SMYD1: variants seen among roughly 807,000 people sequenced by gnomAD.
The protein encoded by SMYD1 is histone-lysine N-methyltransferase SMYD1.
SMYD1 carries 49 observed loss-of-function variants against 54.0 expected under a neutral mutation model. That is an observed-to-expected ratio of 0.91 (90% CI 0.72 to 1.15). The LOEUF is 1.15. Ranked by LOEUF, SMYD1 falls within the 50% of genes most tolerant of loss-of-function variation. The pLI, the probability that SMYD1 is intolerant of heterozygous loss-of-function variation, is 0.00. For missense variants in SMYD1, 653 were observed against 639.6 expected (o/e 1.02, Z -0.23); for synonymous variants, 269 against 234.2 (o/e 1.15, Z -1.36).
chr2:88,078,017 G>A (rs1674108420), intron 1 of SMYD1, among the ~76,000 whole-genome samples: 1 of 152,196 alleles, frequency 6.6e-6, no homozygotes, highest in South Asian at 2.1e-4. Context: ...GAGGCACCAT[G>A]CCCGACCAGG....
At chr2:88,091,238 C>A in intron 4 of SMYD1, 96 bp downstream of exon 4, 2 of 1,336,934 alleles carry the variant, frequency 1.5e-6, no homozygotes, top group Non-Finnish European at 1.0e-6. Context: ...CCTGCTAAAC[C>A]TGAACTAGCA....
chr2:88,077,151 T>C (rs937773479), intron 1 of SMYD1, among the ~76,000 whole-genome samples: 19 of 152,218 alleles, frequency 1.2e-4, no homozygotes, highest in African/African-American at 4.6e-4. Context: ...TTGGAGGGCT[T>C]GCCCACCATG....
At chr2:88,095,034 AATGGTATGAAGTACCATTCATG>A (rs535636078) in intron 5 of SMYD1, among the ~76,000 whole-genome samples, 54 of 152,176 alleles carry the variant, frequency 3.5e-4, no homozygotes, top group Admixed American at 9.8e-4. Flanking sequence ...GACAATTGTG[AATGGTATGAAGTACCATTCATG>A]ATGGTATGAA....
chr2:88,091,938 A>G (rs1044418134), intron 4 of SMYD1, among the ~76,000 whole-genome samples: 6 of 152,190 alleles, frequency 3.9e-5, no homozygotes, highest in Admixed American at 6.5e-5. Flanking sequence ...TGAGGTGCCC[A>G]GGGACTAGCA....
At chr2:88,069,898 T>G (rs1438446895) in intron 1 of SMYD1, among the ~76,000 whole-genome samples, 2 of 152,246 alleles carry the variant, frequency 1.3e-5, no homozygotes, top group Admixed American at 6.5e-5. Context: ...GGGCTACGTC[T>G]TCTTCTATTA....
At position 88,110,671 on chromosome 2, in the gene SMYD1, C is replaced by T; in HGVS notation, c.*159C>T. The T allele has an allele frequency of 2.1e-6, 2 of 938,612 alleles. No individual in the cohort carries two copies. The highest frequency in any genetic ancestry group is 3.0e-6 in the Non-Finnish European group (2 of 660,440). The allele number at this position is 938,612 out of a possible 1,614,324, so 58.1% of individuals were successfully genotyped here. On this transcript the variant is annotated 3_prime_UTR_variant, in exon 10 of 10. Transcript: ENST00000419482. ...CCTATGTTTCCCAGAGCCATTTTGG[C>T]TCAATTCAAGTCTATTCAATTCAAG...
intron 1 of SMYD1, among the ~76,000 whole-genome samples, chr2:88,075,534 CTTTTTTT>C (rs35091980): frequency 9.7e-6 from 1 of 103,580 alleles, no homozygotes; most frequent in African/African-American, 3.5e-5. Flanking sequence ...CCTTTTAATT[CTTTTTTT>C]TTTTTTTTTT....
intron 1 of SMYD1, among the ~76,000 whole-genome samples, chr2:88,069,541 C>T (rs970505390): frequency 3.9e-5 from 6 of 152,174 alleles, no homozygotes; most frequent in South Asian, 2.1e-4. Flanking sequence ...CTAATTCTGG[C>T]GCTGCCAGTG....
At chr2:88,078,557 C>T (rs887389400) in intron 1 of SMYD1, among the ~76,000 whole-genome samples, 60 of 151,790 alleles carry the variant, frequency 4.0e-4, no homozygotes, top group African/African-American at 1.3e-3. Flanking sequence ...AACCCCATGC[C>T]GATGAGGGGA....
intron 6 of SMYD1, among the ~76,000 whole-genome samples, chr2:88,099,856 C>G (rs1674679932): frequency 1.4e-5 from 2 of 139,048 alleles, no homozygotes; most frequent in African/African-American, 5.5e-5. Context: ...CCCCTTTCCT[C>G]TGGCTCCTCC....
chr2:88,072,206 A>C (rs571391317), intron 1 of SMYD1, among the ~76,000 whole-genome samples: 1 of 152,260 alleles, frequency 6.6e-6, no homozygotes, highest in East Asian at 1.9e-4. Flanking sequence ...GCTGGAGTGT[A>C]GTGGTGAGAT....
intron 2 of SMYD1, among the ~76,000 whole-genome samples, chr2:88,085,820 G>A (rs1165859168): frequency 2.0e-5 from 3 of 152,198 alleles, no homozygotes; most frequent in African/African-American, 7.2e-5. Flanking sequence ...CCCATGCGGG[G>A]CATTTCTCCA....
chr2:88,103,053 C>A lies in SMYD1; in HGVS notation c.889-5C>A. The A allele has an allele frequency of 1.2e-6, 2 of 1,613,796 alleles. No individual in the cohort carries two copies. Among genetic ancestry groups the A allele is most frequent in the Non-Finnish European group, 1.7e-6 (2 of 1,179,764 alleles). ...TCTCTAGCTCAATGTGTCTCTCTTT[C>A]CCAGCCCTCTCAGGAAGTGGTGAAG... On this transcript the variant is annotated splice_polypyrimidine_tract_variant and splice_region_variant and intron_variant, in intron 6 of 9. Coordinates refer to ENST00000419482, the MANE Select transcript of SMYD1 (RefSeq NM_198274.4).
At position 88,093,434 on chromosome 2, in the gene SMYD1, G is replaced by C. The variant is rs964306328; in HGVS notation, c.660-83G>C. The C allele has an allele frequency of 4.6e-6, 7 of 1,519,418 alleles. No homozygotes were observed. In the African/African-American group the frequency reaches 9.6e-5, roughly 21 times the overall value. The allele number at this position is 1,519,418 out of a possible 1,614,324, so 94.1% of individuals were successfully genotyped here. ...GCCAAAGCTTTGATACTGTGACCCA[G>C]AATGCTGTACACCCTTGCACTGGAT... is the stretch of plus-strand genomic sequence containing the variant. On this transcript the variant is annotated intron_variant, in intron 4 of 9. Coordinates refer to ENST00000419482, the MANE Select transcript of SMYD1 (RefSeq NM_198274.4).
At chr2:88,110,208 T>TGTGTGTGG (rs1674982789) in intron 9 of SMYD1, 146 bp from the exon 10 acceptor site, 2 of 736,704 alleles carry the variant, frequency 2.7e-6, no homozygotes, top group Non-Finnish European at 4.3e-6. Flanking sequence ...TGAGTGTGTG[T>TGTGTGTGG]GTGTGTGTGT....
chr2:88,083,332 T>C (rs1674243294), intron 1 of SMYD1: 2 of 152,144 alleles, frequency 1.3e-5, no homozygotes, highest in Non-Finnish European at 2.9e-5. Context: ...TGAAATACAT[T>C]TCCTATGGAG....
At chr2:88,088,845 G>T (rs1674399470) in intron 3 of SMYD1, among the ~76,000 whole-genome samples, 1 of 152,152 alleles carries the variant, frequency 6.6e-6, no homozygotes, top group Non-Finnish European at 1.5e-5. Flanking sequence ...AGCCAGACGA[G>T]GCCATAAGAG....
At chr2:88,097,886 G>A (rs1192217065) in intron 6 of SMYD1, among the ~76,000 whole-genome samples, 1 of 152,120 alleles carries the variant, frequency 6.6e-6, no homozygotes, top group African/African-American at 2.4e-5. Flanking sequence ...GAGGACCAGC[G>A]ATGCCTGGGG....
intron 4 of SMYD1, 69 bp downstream of exon 4, chr2:88,091,211 A>G (rs960399537): frequency 3.9e-6 from 6 of 1,531,096 alleles, no homozygotes; most frequent in Non-Finnish European, 5.3e-6. Flanking sequence ...TCTCCACTTG[A>G]CTTAAGCCAA....
Sources: gnomAD v4.1 joint callset for allele counts (sites outside exome capture counted in the v4.1 genomes callset) on GRCh38, gnomAD v4.1.1 for gene constraint, MANE v1.5 for transcripts, NCBI Gene and HGNC (gene_info 2026-07-23, HGNC 2026-07-21) for gene names.